FBXL13: variants seen among roughly 807,000 people sequenced by gnomAD.
The protein encoded by FBXL13 is F-box and leucine-rich repeat protein 13.
FBXL13 carries 67 observed loss-of-function variants against 83.6 expected under a neutral mutation model. That is an observed-to-expected ratio of 0.80 (90% confidence interval 0.66 to 0.98). The LOEUF (loss-of-function observed/expected upper bound fraction) is 0.98. Ranked by LOEUF, FBXL13 falls within the 50% of genes least tolerant of loss-of-function variation. FBXL13 has a pLI of 0.00. For missense variants in FBXL13, 822 were observed against 866.5 expected (o/e 0.95, Z 0.64); for synonymous variants, 272 against 299.5 (o/e 0.91, Z 0.95).
At chr7:102,871,162 T>C (rs1808469550) in intron 16 of FBXL13, among the ~76,000 whole-genome samples, 1 of 152,064 alleles carries the variant, frequency 6.6e-6, no homozygotes, top group Non-Finnish European at 1.5e-5. Flanking sequence ...ATGCCCTCCT[T>C]GAGGATCTTG....
At chr7:102,901,860 G>A (rs560971948) in intron 11 of FBXL13, among the ~76,000 whole-genome samples, 1 of 152,262 alleles carries the variant, frequency 6.6e-6, no homozygotes, top group East Asian at 1.9e-4. Context: ...TTGCTTGCAA[G>A]TCTTAGCTGT....
chr7:102,934,806 T>C, intron 8 of FBXL13: 1 of 920,232 alleles, frequency 1.1e-6, no homozygotes, highest in Non-Finnish European at 1.6e-6. Context: ...CCAGAAATCC[T>C]TCCCTATTGA....
At chr7:102,984,367 T>G (rs1163015165) in intron 6 of FBXL13, among the ~76,000 whole-genome samples, 2 of 152,208 alleles carry the variant, frequency 1.3e-5, no homozygotes, top group African/African-American at 4.8e-5. Flanking sequence ...TTTATCTACC[T>G]ATCTATCCAT....
chr7:102,884,421 A>C, intron 11 of FBXL13, 109 bp from the exon 13 acceptor site: 1 of 786,304 alleles, frequency 1.3e-6, no homozygotes, highest in Non-Finnish European at 2.1e-6. Flanking sequence ...TTTTAAAATT[A>C]ACCATAAAAT....
exon 9 of FBXL13, chr7:102,931,913 C>G (rs1284029625): frequency 6.2e-7 from 1 of 1,613,498 alleles, no homozygotes; most frequent in Admixed American, 1.7e-5. Flanking sequence ...ACATTCAACT[C>G]TTGCAAGTTC....
intron 5 of FBXL13, 34 bp downstream of exon 6, chr7:103,027,415 C>T (rs375836621): frequency 1.3e-4 from 190 of 1,436,574 alleles, no homozygotes; most frequent in Non-Finnish European, 1.6e-4. Flanking sequence ...CTGAAACATT[C>T]GGATTCTTAA....
intron 11 of FBXL13, among the ~76,000 whole-genome samples, chr7:102,902,669 C>T (rs1158328320): frequency 5.3e-5 from 8 of 152,158 alleles, no homozygotes; most frequent in Admixed American, 5.2e-4. Context: ...CCCAGCACCA[C>T]TTATTGAAGA....
chr7:102,851,972 T>A (rs1562995019), intron 17 of FBXL13, among the ~76,000 whole-genome samples: 1 of 152,176 alleles, frequency 6.6e-6, no homozygotes, highest in Non-Finnish European at 1.5e-5. Context: ...TTAGGAAGTA[T>A]GTTTGAGTAA....
intron 11 of FBXL13, among the ~76,000 whole-genome samples, chr7:102,902,116 G>A (rs1224488569): frequency 6.6e-6 from 1 of 152,050 alleles, no homozygotes; most frequent in Non-Finnish European, 1.5e-5. Context: ...AACTTTTGGA[G>A]AAAAGCCATT....
intron 11 of FBXL13, among the ~76,000 whole-genome samples, chr7:102,885,886 C>G (rs1457103678): frequency 1.3e-5 from 2 of 151,936 alleles, no homozygotes. Context: ...TATTCTTTTC[C>G]CCATTGAATG....
intron 6 of FBXL13, among the ~76,000 whole-genome samples, chr7:103,020,437 C>G (rs1793011645): frequency 1.3e-5 from 2 of 152,186 alleles, no homozygotes; most frequent in Non-Finnish European, 2.9e-5. Flanking sequence ...TCCTCTCTCA[C>G]CACTCCGATT....
chr7:102,929,164 C>T (rs939904813), intron 9 of FBXL13, among the ~76,000 whole-genome samples: 2 of 152,112 alleles, frequency 1.3e-5, no homozygotes, highest in Non-Finnish European at 1.5e-5. Flanking sequence ...TGTACACATT[C>T]TATTTGTGTA....
intron 16 of FBXL13, among the ~76,000 whole-genome samples, chr7:102,872,941 A>G (rs1395606296): frequency 6.6e-6 from 1 of 152,220 alleles, no homozygotes; most frequent in East Asian, 1.9e-4. Context: ...GATACAATAA[A>G]TGATTCACTA....
intron 2 of FBXL13, chr7:103,047,023 G>C (rs893280330): frequency 2.0e-5 from 3 of 152,100 alleles, no homozygotes; most frequent in Admixed American, 2.0e-4. Context: ...TTCTTTACCT[G>C]GTGAAAATAT....
chr7:102,861,982 C>CAAAAA (rs59375342), intron 16 of FBXL13, among the ~76,000 whole-genome samples: 4 of 120,052 alleles, frequency 3.3e-5, no homozygotes, highest in African/African-American at 3.0e-5. Context: ...ACTGTGTCTC[C>CAAAAA]AAAAAAAAAA....
intron 16 of FBXL13, among the ~76,000 whole-genome samples, 167 bp downstream of exon 17, chr7:102,877,300 C>T (rs761605204): frequency 6.6e-6 from 1 of 152,100 alleles, no homozygotes; most frequent in Non-Finnish European, 1.5e-5. Context: ...ACTGTTGATT[C>T]AAAGAAACTT....
chr7:103,024,464 T>C (rs1026497552), intron 6 of FBXL13, among the ~76,000 whole-genome samples: 2 of 139,030 alleles, frequency 1.4e-5, no homozygotes, highest in African/African-American at 2.7e-5. Context: ...GAGGCGGAGG[T>C]TGCAGTGAGC....
At chr7:102,967,768 T>G (rs1372764157) in intron 7 of FBXL13, among the ~76,000 whole-genome samples, 1 of 152,252 alleles carries the variant, frequency 6.6e-6, no homozygotes, top group East Asian at 1.9e-4. Flanking sequence ...GAGCTTTGTT[T>G]CAATCCAAAA....
intron 10 of FBXL13, among the ~76,000 whole-genome samples, chr7:102,914,922 C>T (rs942348555): frequency 2.0e-5 from 3 of 152,130 alleles, no homozygotes; most frequent in East Asian, 1.9e-4. Context: ...GGGAGAGGCA[C>T]ACCAGGGTGT....
Sources: gnomAD v4.1 joint callset for allele counts (sites outside exome capture counted in the v4.1 genomes callset) on GRCh38, gnomAD v4.1.1 for gene constraint, MANE v1.5 for transcripts, NCBI Gene and HGNC (gene_info 2026-07-23, HGNC 2026-07-21) for gene names.